Variants in CEP89 observed in about 807,000 individuals in gnomAD.
The protein encoded by CEP89 is centrosomal protein 89.
Under a neutral mutation model 97.6 loss-of-function variants are expected in CEP89, and 95 were observed. The ratio of observed to expected loss-of-function variants is 0.97; its 90% CI spans 0.82 to 1.15. The LOEUF (loss-of-function observed/expected upper bound fraction) is 1.15, where lower values mean the gene tolerates loss of function less well. CEP89 is among the 50% of genes most tolerant of loss of function. The pLI is 0.00. For synonymous variants in CEP89, 354 were observed against 349.1 expected (o/e 1.01, Z -0.16); for missense variants, 869 against 947.7 (o/e 0.92, Z 1.09).
At chr19:32,958,016 C>CCGA (rs1415110859) in intron 3 of CEP89, among the ~76,000 whole-genome samples, 1 of 91,112 alleles carries the variant, frequency 1.1e-5, no homozygotes, top group Non-Finnish European at 2.4e-5. Flanking sequence ...AAAAAAATCC[C>CCGA]CCCCCCGCCA....
intron 17 of CEP89, among the ~76,000 whole-genome samples, chr19:32,884,353 G>A (rs1468497375): frequency 6.6e-6 from 1 of 152,102 alleles, no homozygotes; most frequent in African/African-American, 2.4e-5. Context: ...CTTGGGTCTA[G>A]TGTGGAATAG....
At chr19:32,945,299 A>C (rs1046617330) in intron 5 of CEP89, among the ~76,000 whole-genome samples, 4 of 151,762 alleles carry the variant, frequency 2.6e-5, no homozygotes, top group African/African-American at 7.3e-5. Context: ...AAAAAAAAAA[A>C]AAAAAAGTAC....
intron 5 of CEP89, among the ~76,000 whole-genome samples, chr19:32,942,154 G>C (rs1337753396): frequency 6.6e-6 from 1 of 152,208 alleles, no homozygotes; most frequent in Non-Finnish European, 1.5e-5. Context: ...GGCCGAGGCA[G>C]GTAGATCGGT....
At chr19:32,945,571 C>A (rs932930475) in intron 5 of CEP89, among the ~76,000 whole-genome samples, 1 of 152,212 alleles carries the variant, frequency 6.6e-6, no homozygotes, top group African/African-American at 2.4e-5. Flanking sequence ...GGAAGGCTTC[C>A]TCTGTAGAGG....
At chr19:32,955,055 G>T (rs577522011) in intron 3 of CEP89, among the ~76,000 whole-genome samples, 1 of 151,888 alleles carries the variant, frequency 6.6e-6, no homozygotes, top group Non-Finnish European at 1.5e-5. Context: ...TGCAATCTTG[G>T]CTTACTGCAG....
intron 13 of CEP89, among the ~76,000 whole-genome samples, chr19:32,916,878 C>T (rs1328932504): frequency 7.2e-5 from 11 of 151,912 alleles, no homozygotes; most frequent in Admixed American, 1.3e-4. Flanking sequence ...AGTGGTGGCG[C>T]GTGACTGTAA....
intron 2 of CEP89, chr19:32,963,942 ACACACACAC>A (rs1971227380): frequency 6.2e-4 from 1 of 1,626 alleles, no homozygotes; most frequent in Non-Finnish European, 1.3e-3. Flanking sequence ...ATGCACATGA[ACACACACAC>A]ACACACACAC....
intron 11 of CEP89, 70 bp from the exon 12 acceptor site, chr19:32,923,612 G>T: frequency 2.1e-6 from 2 of 971,158 alleles, no homozygotes; most frequent in Non-Finnish European, 3.3e-6. Context: ...TTCTGGTGCT[G>T]CTGCTGTGGC....
chr19:32,932,236 G>A (rs1048084482), intron 8 of CEP89, among the ~76,000 whole-genome samples: 9 of 150,200 alleles, frequency 6.0e-5, no homozygotes, highest in Non-Finnish European at 1.2e-4. Context: ...AAATGTATTA[G>A]AGCTAATAAC....
At chr19:32,953,050 C>T (rs1043938842) in intron 4 of CEP89, among the ~76,000 whole-genome samples, 2 of 151,194 alleles carry the variant, frequency 1.3e-5, no homozygotes, top group African/African-American at 4.9e-5. Context: ...GTTTAAAAAT[C>T]GGGATTCGCA....
At chr19:32,905,899 T>C (rs1197071225) in intron 14 of CEP89, among the ~76,000 whole-genome samples, 3 of 152,160 alleles carry the variant, frequency 2.0e-5, no homozygotes, top group Non-Finnish European at 2.9e-5. Flanking sequence ...TTTAAATTTA[T>C]GGCAGAGACA....
intron 17 of CEP89, among the ~76,000 whole-genome samples, chr19:32,885,820 G>T (rs188065181): frequency 1.7e-3 from 257 of 152,246 alleles, no homozygotes; most frequent in Non-Finnish European, 2.4e-3. Flanking sequence ...CTAGAAGTCA[G>T]TCTCTTAGAT....
chr19:32,948,501 C>T, intron 4 of CEP89, 133 bp from the exon 5 acceptor site: 1 of 546,650 alleles, frequency 1.8e-6, no homozygotes, highest in East Asian at 2.9e-5. Context: ...ACTTCAGCTG[C>T]TTTCCTCAGT....
chr19:32,947,603 A>C (rs1247493559), intron 5 of CEP89, among the ~76,000 whole-genome samples: 1 of 151,800 alleles, frequency 6.6e-6, no homozygotes, highest in African/African-American at 2.4e-5. Flanking sequence ...CAATCCTCCC[A>C]CCTCAGCCTC....
At position 32,879,143 on chromosome 19, in the gene CEP89, C is replaced by G; in HGVS notation, c.*19G>C. ...ACCTTTCAGGCCAGAGGAGGCTACA[C>G]CACGGGCTCCCGCAGATTCTAGCAG... On this transcript the variant is annotated 3_prime_UTR_variant, in exon 19 of 19. Coordinates refer to ENST00000305768, the MANE Select transcript of CEP89 (RefSeq NM_032816.5). 1 of 1,588,514 alleles carries G rather than the reference C, an allele frequency of 6.3e-7. No individual in the cohort carries two copies. Among genetic ancestry groups the G allele is most frequent in the Middle Eastern group, 1.9e-4 (1 of 5,314 alleles).
chr19:32,905,594 T>A lies in CEP89; in HGVS notation c.1566-4182A>T, dbSNP rs180999343. Among the ~76,000 whole-genome samples the A allele has an allele frequency of 7.9e-5, 12 of 152,342 alleles. No individual in the cohort carries two copies. In the East Asian group the frequency reaches 2.3e-3, roughly 29 times the overall value. Reference sequence around the variant, plus strand: ...GTAAGCTTTTCAAAGAATTTGACTATTTCATCTAAATTTTCAAATGTATTG... The same window carrying A: ...GTAAGCTTTTCAAAGAATTTGACTAATTCATCTAAATTTTCAAATGTATTG... On this transcript the variant is annotated intron_variant, in intron 14 of 18. Coordinates refer to ENST00000305768, the MANE Select transcript of CEP89 (RefSeq NM_032816.5).
chr19:32,942,921 C>T (rs918282353), intron 5 of CEP89, among the ~76,000 whole-genome samples: 7 of 151,184 alleles, frequency 4.6e-5, no homozygotes, highest in Admixed American at 1.3e-4. Context: ...GGAAACTGCA[C>T]TGCAGCCTCA....
intron 3 of CEP89, among the ~76,000 whole-genome samples, 190 bp downstream of exon 3, chr19:32,959,710 G>A (rs1271089206): frequency 6.6e-6 from 1 of 152,210 alleles, no homozygotes; most frequent in African/African-American, 2.4e-5. Flanking sequence ...GCTGGACAGT[G>A]TCCATTTGAC....
At chr19:32,912,250 T>C (rs1970016936) in intron 14 of CEP89, among the ~76,000 whole-genome samples, 1 of 151,830 alleles carries the variant, frequency 6.6e-6, no homozygotes, top group African/African-American at 2.4e-5. Context: ...CTCATTGTGA[T>C]GGTTAATTTT....
Sources: allele counts gnomAD v4.1 joint callset (sites outside exome capture counted in the v4.1 genomes callset), GRCh38; gene constraint gnomAD v4.1.1; transcripts MANE v1.5; gene names NCBI Gene and HGNC (gene_info 2026-07-23, HGNC 2026-07-21).